The following ROBO2 variants were observed in gnomAD, a reference collection of about 807,000 sequenced individuals.
ROBO2 encodes the protein roundabout guidance receptor 2, also known as roundabout homolog 2.
A neutral mutation model predicts 160.8 loss-of-function variants in ROBO2; 53 were observed. The observed-to-expected ratio is 0.33, with a 90% confidence interval of 0.26 to 0.41. The LOEUF is 0.41. Ranked by LOEUF, ROBO2 falls within the 10% of genes least tolerant of loss-of-function variation. The probability of loss-of-function intolerance (pLI) is 1.00; values close to 1 mark genes in which losing one functional copy is unlikely to be tolerated. For missense variants in ROBO2, 1,577 were observed against 1,722.4 expected (o/e 0.92, Z 1.49); for synonymous variants, 664 against 611.7 (o/e 1.09, Z -1.26).
intron 2 of ROBO2, among the ~76,000 whole-genome samples, chr3:76,339,587 C>T (rs1352862955): frequency 6.6e-6 from 1 of 151,980 alleles, no homozygotes; most frequent in East Asian, 1.9e-4. Context: ...TTTCCTCTTC[C>T]ATATGGTATG....
In ROBO2 at chr3:77,494,556, C is replaced by T. The variant is rs557760365; in HGVS notation, c.806+1174C>T. On this transcript the variant is annotated intron_variant, in intron 5 of 25. Transcript: ENST00000461745. ...TCGTGCCACTGTACTCCAGCCTGGG[C>T]GACAGAGTGAGACTGTCTGAAAAAG... Among the ~76,000 whole-genome samples the T allele has an allele frequency of 2.6e-5, 4 of 152,022 alleles. No individual in the cohort carries two copies. The East Asian group carries it at 5.8e-4, about 22-fold the overall frequency.
chr3:76,984,877 A>G (rs976336868), intron 2 of ROBO2, among the ~76,000 whole-genome samples: 4 of 152,170 alleles, frequency 2.6e-5, no homozygotes, highest in African/African-American at 9.6e-5. Context: ...TAATTTTTCA[A>G]TGATACACAA....
chr3:77,084,243 G>T (rs1377842726), intron 1 of ROBO2, among the ~76,000 whole-genome samples: 1 of 151,898 alleles, frequency 6.6e-6, no homozygotes, highest in African/African-American at 2.4e-5. Flanking sequence ...AGTTATTATT[G>T]CCTCATTTGA....
intron 2 of ROBO2, among the ~76,000 whole-genome samples, chr3:76,891,206 A>G (rs1038117644): frequency 2.6e-5 from 4 of 152,106 alleles, no homozygotes; most frequent in African/African-American, 9.7e-5. Flanking sequence ...TTTTGTTTAG[A>G]AGTTTGCAAA....
intron 5 of ROBO2, among the ~76,000 whole-genome samples, chr3:77,499,964 G>A (rs2087343507): frequency 6.6e-6 from 1 of 151,958 alleles, no homozygotes; most frequent in African/African-American, 2.4e-5. Context: ...AAATTATATA[G>A]ATTCATTTAT....
At chr3:76,185,837 T>C (rs1196658127) in intron 2 of ROBO2, among the ~76,000 whole-genome samples, 8 of 152,028 alleles carry the variant, frequency 5.3e-5, no homozygotes, top group African/African-American at 1.9e-4. Flanking sequence ...CAATCTATAT[T>C]GGATTATAAA....
chr3:77,581,410 T>C (rs529826466), intron 16 of ROBO2, among the ~76,000 whole-genome samples: 177 of 152,268 alleles, frequency 1.2e-3, no homozygotes, highest in African/African-American at 4.0e-3. Flanking sequence ...TATTTTCTTC[T>C]AGAAGCTTTA....
chr3:76,457,110 G>A (rs1438825737), intron 2 of ROBO2, among the ~76,000 whole-genome samples: 1 of 152,126 alleles, frequency 6.6e-6, no homozygotes, highest in Non-Finnish European at 1.5e-5. Context: ...AACCAACCAT[G>A]CCTTCCTAGT....
intron 2 of ROBO2, among the ~76,000 whole-genome samples, chr3:76,691,804 GCAACT>G (rs2092808621): frequency 6.6e-6 from 1 of 152,050 alleles, no homozygotes; most frequent in Non-Finnish European, 1.5e-5. Flanking sequence ...AAATGATGAG[GCAACT>G]AGAGAGAAGC....
intron 2 of ROBO2, among the ~76,000 whole-genome samples, chr3:76,036,910 A>G (rs2067128142): frequency 6.6e-6 from 1 of 152,000 alleles, no homozygotes; most frequent in Non-Finnish European, 1.5e-5. Flanking sequence ...TTTACTTCCC[A>G]GTATATAATT....
chr3:77,100,663 A>G (rs1318841645), intron 2 of ROBO2, among the ~76,000 whole-genome samples: 1 of 152,142 alleles, frequency 6.6e-6, no homozygotes, highest in Admixed American at 6.5e-5. Context: ...AGGAATAGCA[A>G]TGAAGACACA....
At chr3:77,505,953 G>A (rs2088455724) in intron 5 of ROBO2, among the ~76,000 whole-genome samples, 1 of 152,108 alleles carries the variant, frequency 6.6e-6, no homozygotes, top group South Asian at 2.1e-4. Context: ...TTTCTGCTTA[G>A]TGGCTACACA....
At chr3:76,117,301 T>A (rs1440959734) in intron 2 of ROBO2, among the ~76,000 whole-genome samples, 1 of 152,210 alleles carries the variant, frequency 6.6e-6, no homozygotes, top group Admixed American at 6.5e-5. Context: ...TTGTGGCTAT[T>A]TTCACAAACA....
chr3:76,864,225 G>A (rs2775159), intron 2 of ROBO2, among the ~76,000 whole-genome samples: 41,967 of 151,490 alleles, frequency 0.28, 6,328 homozygotes, highest in East Asian at 0.45. Flanking sequence ...TCCTTCCGGG[G>A]GTTTACAAAT....
intron 2 of ROBO2, among the ~76,000 whole-genome samples, chr3:77,323,599 G>A (rs2065044977): frequency 6.6e-6 from 1 of 152,090 alleles, no homozygotes; most frequent in Non-Finnish European, 1.5e-5. Flanking sequence ...TGTGTATAGA[G>A]CTAAACCAAT....
chr3:76,068,574 T>G (rs776312918), intron 2 of ROBO2, among the ~76,000 whole-genome samples: 20 of 152,180 alleles, frequency 1.3e-4, no homozygotes, highest in Non-Finnish European at 2.6e-4. Context: ...TCATCAATTC[T>G]CCTCTTGCTA....
At chr3:77,107,263 T>G (rs1050585905) in intron 2 of ROBO2, among the ~76,000 whole-genome samples, 1 of 152,102 alleles carries the variant, frequency 6.6e-6, no homozygotes, top group Admixed American at 6.5e-5. Context: ...ATGTGAATTT[T>G]GGGGGGATAT....
chr3:76,888,823 C>T (rs1188953752), intron 2 of ROBO2, among the ~76,000 whole-genome samples: 3 of 152,152 alleles, frequency 2.0e-5, no homozygotes, highest in African/African-American at 4.8e-5. Flanking sequence ...AATGTTCACA[C>T]GTATGTAATG....
At chr3:76,156,839 G>A (rs776495587) in intron 2 of ROBO2, among the ~76,000 whole-genome samples, 4 of 152,176 alleles carry the variant, frequency 2.6e-5, no homozygotes, top group Admixed American at 6.5e-5. Flanking sequence ...CATGGTGGTG[G>A]CACATGCCTG....
Sources: allele counts gnomAD v4.1 joint callset (sites outside exome capture counted in the v4.1 genomes callset), GRCh38; gene constraint gnomAD v4.1.1; transcripts MANE v1.5; gene names NCBI Gene and HGNC (gene_info 2026-07-23, HGNC 2026-07-21).